B3GAT3: variants seen among roughly 807,000 people sequenced by gnomAD.
B3GAT3 encodes beta-1,3-glucuronyltransferase 3, also known as galactosylgalactosylxylosylprotein 3-beta-glucuronosyltransferase 3.
B3GAT3 carries 19 observed loss-of-function variants against 33.1 expected under a neutral mutation model. The observed-to-expected ratio is 0.57, with a 90% CI of 0.40 to 0.84. The LOEUF is 0.84. Ranked by LOEUF, B3GAT3 falls within the 40% of genes least tolerant of loss-of-function variation. The pLI is 0.00. For missense variants in B3GAT3, 344 were observed against 441.5 expected (o/e 0.78, Z 1.98); for synonymous variants, 167 against 193.5 (o/e 0.86, Z 1.14).
In B3GAT3 at chr11:62,615,457, C is replaced by T. The variant is rs1430768751; in HGVS notation, c.*244G>A. The T allele has an allele frequency of 6.1e-6, 4 of 654,712 alleles. No individual in the cohort carries two copies. The highest frequency in any genetic ancestry group is 1.0e-5 in the Non-Finnish European group (4 of 388,608). 40.6% of individuals were successfully genotyped at this position (654,712 alleles called of 1,614,324 possible). On this transcript the variant is annotated 3_prime_UTR_variant, in exon 5 of 5. Coordinates refer to ENST00000265471, the MANE Select transcript of B3GAT3 (RefSeq NM_012200.4). Reference sequence around the variant, plus strand: ...TCCTGGGTCCATCTGTCCTTCTGTTCCACCCTAGACAGGGCCAACCTGACT... The same window carrying T: ...TCCTGGGTCCATCTGTCCTTCTGTTTCACCCTAGACAGGGCCAACCTGACT...
chr11:62,618,197 A>AC (rs1228061729), intron 2 of B3GAT3, among the ~76,000 whole-genome samples: 1 of 151,028 alleles, frequency 6.6e-6, no homozygotes, highest in East Asian at 1.9e-4. Flanking sequence ...AAAAAAAAAA[A>AC]AAAAAAACAA....
intron 2 of B3GAT3, 154 bp from the exon 3 acceptor site, chr11:62,617,501 G>A: frequency 1.0e-6 from 1 of 998,808 alleles, no homozygotes; most frequent in South Asian, 1.5e-5. Context: ...TCAACTTCAT[G>A]CTAACACTCA....
At position 62,616,872 on chromosome 11, in the gene B3GAT3, T is replaced by C. The variant is rs974871981; in HGVS notation, c.619-76A>G. 107 of 1,611,988 alleles carry C rather than the reference T, an allele frequency of 6.6e-5. No individual in the cohort carries two copies. The African/African-American group carries it at 1.2e-3, about 18-fold the overall frequency. ...CAGCAGAAAGAGCCACCTGGCTCAC[T>C]CTGCCCCACTGCTTCCAGCCCCTCA... is the stretch of plus-strand genomic sequence containing the variant. On this transcript the variant is annotated intron_variant, in intron 3 of 4. Transcript: ENST00000265471.
chr11:62,618,913 G>A (rs947065885), intron 2 of B3GAT3, among the ~76,000 whole-genome samples: 2 of 151,968 alleles, frequency 1.3e-5, no homozygotes, highest in Admixed American at 1.3e-4. Flanking sequence ...AATCCGGGAG[G>A]TGGAGGTTGC....
intron 4 of B3GAT3, 130 bp downstream of exon 4, chr11:62,616,376 T>A (rs1943027200): frequency 7.4e-7 from 1 of 1,348,762 alleles, no homozygotes; most frequent in East Asian, 2.4e-5. Context: ...TTCAGTAGAG[T>A]CAGCAAGGCT....
intron 1 of B3GAT3, 151 bp downstream of exon 1, chr11:62,621,715 T>G: frequency 1.2e-6 from 1 of 825,220 alleles, no homozygotes; most frequent in Non-Finnish European, 1.9e-6. Flanking sequence ...CCGCGGTGCG[T>G]TCTATAGAGG....
Position 62,617,166 on chromosome 11 carries a change from C to T in B3GAT3, c.439G>A (p.Glu147Lys), listed in dbSNP as rs1228920809. 1 of 1,613,868 alleles carries T rather than the reference C, an allele frequency of 6.2e-7. No homozygotes were observed. Among genetic ancestry groups the T allele is most frequent in the Non-Finnish European group, 8.5e-7 (1 of 1,179,986 alleles). Residue 147 changes from glutamate (E) to lysine (K), a missense_variant, in exon 3 of 5, where the codon GAG becomes AAG. Transcript: ENST00000265471. The stretch of plus-strand genomic sequence containing the variant: ...GGATGAACCCAGCCAGGCTCGCCCT[C>T]CCGAAGCCGCTGGGCTTTGGGCGTG... ...VLTPKAQRLR[E>K]GEPGWVHPRG...
At chr11:62,615,958 G>A (rs1273403036) in intron 4 of B3GAT3, 159 bp from the exon 5 acceptor site, 53 of 1,502,364 alleles carry the variant, frequency 3.5e-5, no homozygotes, top group Non-Finnish European at 4.4e-5. Flanking sequence ...CTAAAACCGG[G>A]CCTTGGCCGG....
rs112223093 is a variant in B3GAT3 at position 62,616,594 on chromosome 11, G to T, written c.821C>A (p.Thr274Asn). Reference protein sequence around the residue: ...LDKPNAQFDSTAPRGHLESSL... With the variant: ...LDKPNAQFDSNAPRGHLESSL... ...GCTCTCCAGGTGGCCCCGGGGAGCG[G>T]TGGAATCAAATTGGGCATTGGGCTT... The change falls in exon 4 of 5, where the codon ACC becomes AAC. Residue 274 changes from threonine (T) to asparagine (N), a missense_variant. By Grantham distance (65) the Thr-to-Asn change is moderately conservative (BLOSUM62 0). Transcript: ENST00000265471. 1,475 of 1,614,236 alleles carry T rather than the reference G, an allele frequency of 9.1e-4. 16 individuals carry two copies. The African/African-American group carries it at 0.018, about 19-fold the overall frequency.
At chr11:62,619,582 G>A (rs757262500) in intron 2 of B3GAT3, among the ~76,000 whole-genome samples, 20 of 149,848 alleles carry the variant, frequency 1.3e-4, no homozygotes, top group Non-Finnish European at 2.2e-4. Context: ...TCTCTCTGTC[G>A]CCCAGGCTGC....
intron 2 of B3GAT3, 54 bp downstream of exon 2, chr11:62,620,443 T>C: frequency 1.3e-6 from 2 of 1,568,922 alleles, no homozygotes; most frequent in South Asian, 1.1e-5. Flanking sequence ...CTCCTCATCA[T>C]CAACTCCAAC....
chr11:62,616,402 G>A, intron 4 of B3GAT3, 104 bp downstream of exon 4: 1 of 1,495,642 alleles, frequency 6.7e-7, no homozygotes, highest in Non-Finnish European at 9.3e-7. Flanking sequence ...GAGATCTGGA[G>A]AGTCCCTCCT....
chr11:62,615,401 A>G lies in B3GAT3; in HGVS notation c.*300T>C, dbSNP rs1362527734. The G allele has an allele frequency of 4.1e-5, 22 of 530,746 alleles. No homozygotes were observed. The highest frequency in any genetic ancestry group is 6.1e-5 in the Non-Finnish European group (18 of 294,236). The allele number at this position is 530,746 out of a possible 1,614,324, so 32.9% of individuals were successfully genotyped here. On this transcript the variant is annotated 3_prime_UTR_variant, in exon 5 of 5. Transcript: ENST00000265471. Reference sequence around the variant, plus strand: ...GCCCCCCAGTGCATGCCCAGCCCCAATAAGTTACCCAGTTACTCAGCTGCC... The same window carrying G: ...GCCCCCCAGTGCATGCCCAGCCCCAGTAAGTTACCCAGTTACTCAGCTGCC...
rs1269033844 is a variant in B3GAT3 at position 62,620,419 on chromosome 11, A to G, written c.257+78T>C. ...TAGTTTGAGGAACAACTCCTAGCCC[A>G]GTGCCTCCCCAAACTCCTCATCATC... On this transcript the variant is annotated intron_variant, in intron 2 of 4. Coordinates refer to ENST00000265471, the MANE Select transcript of B3GAT3 (RefSeq NM_012200.4). The G allele has an allele frequency of 5.1e-6, 7 of 1,373,334 alleles. No individual in the cohort carries two copies. In the Admixed American group the frequency reaches 5.5e-5, roughly 11 times the overall value. The allele number at this position is 1,373,334 out of a possible 1,614,324, so 85.1% of individuals were successfully genotyped here.
chr11:62,616,427 T>G, intron 4 of B3GAT3, 79 bp downstream of exon 4: 6 of 1,592,254 alleles, frequency 3.8e-6, no homozygotes, highest in Non-Finnish European at 5.2e-6. Context: ...AAACCACCCA[T>G]TCCCAGGGTC....
Position 62,620,480 on chromosome 11 carries a change from T to C in B3GAT3, c.257+17A>G, listed in dbSNP as rs371334246. 2.9e-5 allele frequency: 47 copies of C among 1,610,480 alleles called. No individual in the cohort carries two copies. The highest frequency in any genetic ancestry group is 3.7e-5 in the Non-Finnish European group (44 of 1,179,206). On this transcript the variant is annotated intron_variant, in intron 2 of 4. Transcript: ENST00000265471. Reference sequence around the variant, plus strand: ...TCTTGGACAACGCAGACCTCTTGAGTGCACCAGAGCCCATACCTGGCATAG... The same window carrying C: ...TCTTGGACAACGCAGACCTCTTGAGCGCACCAGAGCCCATACCTGGCATAG...
chr11:62,619,725 C>CA (rs1221919423), intron 2 of B3GAT3, among the ~76,000 whole-genome samples: 1 of 14,278 alleles, frequency 7.0e-5, no homozygotes, highest in Non-Finnish European at 1.4e-4. Context: ...TTTTTTTTTT[C>CA]AGAGACAAGA....
At position 62,616,909 on chromosome 11, in the gene B3GAT3, A is replaced by G. The variant is rs1943040949; in HGVS notation, c.618+78T>C. Reference sequence around the variant, plus strand: ...CTTCCAGCCCCTCACCCAGCAGCCAACGGCAACACTGCTAACCAAGGTAAC... The same window carrying G: ...CTTCCAGCCCCTCACCCAGCAGCCAGCGGCAACACTGCTAACCAAGGTAAC... On this transcript the variant is annotated intron_variant, in intron 3 of 4. Coordinates refer to ENST00000265471, the MANE Select transcript of B3GAT3 (RefSeq NM_012200.4). The G allele has an allele frequency of 2.5e-6, 4 of 1,612,748 alleles. 1 individual carries two copies. Among genetic ancestry groups the G allele is most frequent in the African/African-American group, 1.3e-5 (1 of 74,894 alleles).
intron 3 of B3GAT3, 44 bp from the exon 4 acceptor site, chr11:62,616,840 A>C: frequency 6.2e-7 from 1 of 1,613,104 alleles, no homozygotes; most frequent in East Asian, 2.2e-5. Context: ...TGGTCCGGGG[A>C]AGGGAGCAGC....
Sources: gnomAD v4.1 joint callset for allele counts (sites outside exome capture counted in the v4.1 genomes callset) on GRCh38, gnomAD v4.1.1 for gene constraint, MANE v1.5 for transcripts, NCBI Gene and HGNC (gene_info 2026-07-23, HGNC 2026-07-21) for gene names.